The following ATRNL1 variants were observed in gnomAD, a reference collection of about 807,000 sequenced individuals.
The protein encoded by ATRNL1 is attractin like 1, also known as attractin-like protein 1.
A neutral mutation model predicts 182.7 loss-of-function variants in ATRNL1; 95 were observed. That is an observed-to-expected ratio of 0.52 (90% confidence interval 0.44 to 0.62). The LOEUF is 0.62. ATRNL1 is among the 20% of genes least tolerant of loss of function. The pLI is 0.00. For missense variants in ATRNL1, 1,471 were observed against 1,679.5 expected (o/e 0.88, Z 2.17); for synonymous variants, 576 against 568.3 (o/e 1.01, Z -0.19).
chr10:115,641,443 T>C (rs1859241938), intron 26 of ATRNL1, among the ~76,000 whole-genome samples: 1 of 152,166 alleles, frequency 6.6e-6, no homozygotes, highest in Admixed American at 6.6e-5. Context: ...AGTTAAACTG[T>C]CCAGTTAAGT....
At chr10:115,585,519 C>A (rs1450814463) in intron 26 of ATRNL1, among the ~76,000 whole-genome samples, 5 of 119,178 alleles carry the variant, frequency 4.2e-5, no homozygotes, top group Admixed American at 1.7e-4. Context: ...TTCTTTGTCT[C>A]TTTTGATCTT....
At chr10:115,503,106 T>G (rs1366308566) in intron 24 of ATRNL1, among the ~76,000 whole-genome samples, 1 of 152,086 alleles carries the variant, frequency 6.6e-6, no homozygotes, top group Non-Finnish European at 1.5e-5. Flanking sequence ...GACTCAGGAT[T>G]TAAAACCATG....
intron 26 of ATRNL1, among the ~76,000 whole-genome samples, chr10:115,692,789 T>C (rs1459499296): frequency 2.0e-5 from 3 of 152,060 alleles, no homozygotes; most frequent in Non-Finnish European, 4.4e-5. Flanking sequence ...AAACAAGTTG[T>C]AGTTGTAGAA....
chr10:115,388,801 T>G (rs1170974501), intron 19 of ATRNL1, among the ~76,000 whole-genome samples: 1 of 152,102 alleles, frequency 6.6e-6, no homozygotes, highest in Non-Finnish European at 1.5e-5. Context: ...TTATTTATGT[T>G]TTGAATTTTA....
At chr10:115,420,600 A>C (rs2134373781) in intron 20 of ATRNL1, among the ~76,000 whole-genome samples, 1 of 152,280 alleles carries the variant, frequency 6.6e-6, no homozygotes, top group South Asian at 2.1e-4. Context: ...ACCTATTTGA[A>C]AAAGTAGAAA....
intron 27 of ATRNL1, among the ~76,000 whole-genome samples, chr10:115,743,950 A>C (rs951689689): frequency 3.9e-5 from 6 of 152,118 alleles, no homozygotes; most frequent in African/African-American, 1.2e-4. Context: ...ACATCTACAC[A>C]TATGTTTTTA....
chr10:115,813,660 G>A (rs1354773707), intron 27 of ATRNL1, among the ~76,000 whole-genome samples: 4 of 152,020 alleles, frequency 2.6e-5, no homozygotes, highest in African/African-American at 7.2e-5. Flanking sequence ...CCACAACAAA[G>A]TGCATCACCA....
rs79077325 is a variant in ATRNL1 at position 115,211,528 on chromosome 10, G to A, written c.1349-4169G>A. On this transcript the variant is annotated intron_variant, in intron 8 of 28. Coordinates refer to ENST00000355044, the MANE Select transcript of ATRNL1 (RefSeq NM_207303.4). ...AGGTGTCTTGGCATGGATATCTTTG[G>A]GTTTAACCTATTTAAGATTTACTTA... is the stretch of plus-strand genomic sequence containing the variant. Among the ~76,000 whole-genome samples the A allele has an allele frequency of 5.8e-3, 884 of 151,408 alleles. 3 individuals are homozygous for A. The highest frequency in any genetic ancestry group is 0.019 in the African/African-American group (775 of 41,360).
At chr10:115,493,510 C>T (rs190714746) in intron 24 of ATRNL1, among the ~76,000 whole-genome samples, 20 of 152,210 alleles carry the variant, frequency 1.3e-4, no homozygotes, top group African/African-American at 4.8e-4. Flanking sequence ...TTATCCAGCC[C>T]ACCACTGATG....
rs149276040 is a variant in ATRNL1, at chr10:115,561,392, A to T, written c.3795+11856A>T. 4.5e-3 allele frequency among the ~76,000 whole-genome samples: 686 copies of T among 152,310 alleles called. 9 individuals carry two copies. The highest frequency in any genetic ancestry group is 0.016 in the African/African-American group (659 of 41,566). On this transcript the variant is annotated intron_variant, in intron 26 of 28. Transcript: ENST00000355044. ...TTTGCCCTTTGTATTCATGGTTTCC[A>T]CATCTGTGGATTCACTCAAGGATTG...
intron 26 of ATRNL1, chr10:115,597,568 CTTTTTTT>C: frequency 7.6e-4 from 193 of 252,368 alleles, no homozygotes; most frequent in East Asian, 1.3e-3. Context: ...TTTATGGGAG[CTTTTTTT>C]TTTTTTTTTT....
rs185796640 is a variant in ATRNL1, at chr10:115,554,119, T to C, written c.3795+4583T>C. Among the ~76,000 whole-genome samples the C allele has an allele frequency of 3.3e-5, 5 of 151,732 alleles. No homozygotes were observed. The South Asian group carries it at 6.2e-4, about 19-fold the overall frequency. ...GTAAATGTTTAAACATTTTAACATATAGATAAAGCTTTCCATTAAACACAT... is the reference window on the plus strand; with the variant it reads ...GTAAATGTTTAAACATTTTAACATACAGATAAAGCTTTCCATTAAACACAT... On this transcript the variant is annotated intron_variant, in intron 26 of 28. Transcript: ENST00000355044.
chr10:115,373,249 T>C (rs1183144826), intron 19 of ATRNL1, among the ~76,000 whole-genome samples: 2 of 152,120 alleles, frequency 1.3e-5, no homozygotes, highest in African/African-American at 2.4e-5. Context: ...TGTTTGTTAT[T>C]TCTAATGGGT....
At chr10:115,176,727 G>A (rs1394501972) in intron 8 of ATRNL1, among the ~76,000 whole-genome samples, 5 of 152,070 alleles carry the variant, frequency 3.3e-5, no homozygotes, top group Non-Finnish European at 4.4e-5. Flanking sequence ...CATGTTATAC[G>A]TGAGATAGCC....
At position 115,801,513 on chromosome 10, in the gene ATRNL1, T is replaced by C. The variant is rs537404901; in HGVS notation, c.3904-46364T>C. 4.6e-5 allele frequency among the ~76,000 whole-genome samples: 7 copies of C among 152,330 alleles called. No homozygotes were observed. The South Asian group carries it at 1.2e-3, about 27-fold the overall frequency. On this transcript the variant is annotated intron_variant, in intron 27 of 28. Coordinates refer to ENST00000355044, the MANE Select transcript of ATRNL1 (RefSeq NM_207303.4). ...CAATAAAAATATTGGGGTATTATTA[T>C]CTTTGAAATGCAGATTATGTGGTTA...
At chr10:115,458,738 T>G (rs1847651252) in intron 21 of ATRNL1, among the ~76,000 whole-genome samples, 1 of 152,136 alleles carries the variant, frequency 6.6e-6, no homozygotes, top group Non-Finnish European at 1.5e-5. Context: ...GGCATTTATT[T>G]CCTGGCTTAT....
intron 27 of ATRNL1, among the ~76,000 whole-genome samples, chr10:115,846,442 A>C (rs1283015237): frequency 6.6e-6 from 1 of 152,132 alleles, no homozygotes; most frequent in African/African-American, 2.4e-5. Context: ...GAATGACTGC[A>C]TATGTCTGTA....
intron 11 of ATRNL1, 126 bp downstream of exon 11, chr10:115,265,403 T>G (rs557566607): frequency 9.2e-6 from 5 of 545,930 alleles, no homozygotes; most frequent in Non-Finnish European, 6.4e-6. Context: ...GCATCTCTTC[T>G]CTACCATAGA....
At position 115,188,277 on chromosome 10, in the gene ATRNL1, G is replaced by A. The variant is rs1554889171; in HGVS notation, c.1348+16985G>A. On this transcript the variant is annotated intron_variant, in intron 8 of 28. Transcript: ENST00000355044. ...TAAATGTTTTTTCATATTTGGTTATGTGGAATATATGTTTAACTGAAGATT... is the reference window on the plus strand; with the variant it reads ...TAAATGTTTTTTCATATTTGGTTATATGGAATATATGTTTAACTGAAGATT... Among the ~76,000 whole-genome samples, 4 of 152,264 alleles carry A rather than the reference G, an allele frequency of 2.6e-5. No homozygotes were observed. In the South Asian group the frequency reaches 6.2e-4, roughly 24 times the overall value.
Sources: gnomAD v4.1 joint callset for allele counts (sites outside exome capture counted in the v4.1 genomes callset) on GRCh38, gnomAD v4.1.1 for gene constraint, MANE v1.5 for transcripts, NCBI Gene and HGNC (gene_info 2026-07-23, HGNC 2026-07-21) for gene names.